ASXL1: variants seen among roughly 807,000 people sequenced by gnomAD.
ASXL1 encodes the protein ASXL transcriptional regulator 1, also known as polycomb group protein ASXL1.
A neutral mutation model predicts 89.1 loss-of-function variants in ASXL1; 65 were observed. The ratio of observed to expected loss-of-function variants is 0.73; its 90% CI spans 0.60 to 0.90. The LOEUF (loss-of-function observed/expected upper bound fraction) is 0.90. Among genes scored for constraint, ASXL1 ranks in the 40% least tolerant of loss-of-function variants. The probability of loss-of-function intolerance (pLI) is 0.00; values close to 1 mark genes in which losing one functional copy is unlikely to be tolerated. For missense variants in ASXL1, 1,786 were observed against 1,942.9 expected, an observed-to-expected ratio of 0.92 and a Z score of 1.52; for synonymous variants, 739 against 746.9, an observed-to-expected ratio of 0.99 and a Z score of 0.17.
chr20:32,411,904 C>T (rs888779374), intron 4 of ASXL1, among the ~76,000 whole-genome samples: 2 of 152,102 alleles, frequency 1.3e-5, no homozygotes, highest in Non-Finnish European at 2.9e-5. Flanking sequence ...TACAAATTGT[C>T]GCTGATTTGG....
At chr20:32,419,943 A>G (rs902543724) in intron 4 of ASXL1, among the ~76,000 whole-genome samples, 5 of 152,056 alleles carry the variant, frequency 3.3e-5, no homozygotes, top group African/African-American at 1.2e-4. Flanking sequence ...GCCTCCCGAA[A>G]TGCTGGCATT....
chr20:32,379,463 C>G (rs543505028), intron 4 of ASXL1, among the ~76,000 whole-genome samples: 1 of 151,646 alleles, frequency 6.6e-6, no homozygotes, highest in Non-Finnish European at 1.5e-5. Flanking sequence ...CTGCCTTGGC[C>G]TCCCAAAGTG....
intron 4 of ASXL1, among the ~76,000 whole-genome samples, chr20:32,383,578 G>A (rs2048526625): frequency 6.6e-6 from 1 of 152,132 alleles, no homozygotes; most frequent in South Asian, 2.1e-4. Flanking sequence ...CAAGTGCTGG[G>A]ATTACAGGCG....
chr20:32,376,027 C>T (rs1052258196), intron 4 of ASXL1, among the ~76,000 whole-genome samples: 2 of 151,900 alleles, frequency 1.3e-5, no homozygotes, highest in African/African-American at 4.8e-5. Context: ...TAGAAATCTT[C>T]GTTATTTCCG....
chr20:32,376,175 C>T (rs2048374535), intron 4 of ASXL1, among the ~76,000 whole-genome samples: 1 of 152,060 alleles, frequency 6.6e-6, no homozygotes, highest in Non-Finnish European at 1.5e-5. Context: ...CGACCAAGGG[C>T]TAGTTTGGTG....
intron 4 of ASXL1, among the ~76,000 whole-genome samples, chr20:32,425,995 A>G (rs2011270810): frequency 6.6e-6 from 1 of 152,204 alleles, no homozygotes; most frequent in Admixed American, 6.5e-5. Context: ...GCAAGCCACC[A>G]TGCCCGGCCT....
chr20:32,434,477 C>T lies in ASXL1; in HGVS notation c.1765C>T (p.Pro589Ser), dbSNP rs2145356492. 1 of 1,614,114 alleles carries T rather than the reference C, an allele frequency of 6.2e-7. No homozygotes were observed. The highest frequency in any genetic ancestry group is 1.1e-5 in the South Asian group (1 of 91,076). The change falls in exon 13 of 13, where the codon CCC (proline) becomes TCC (serine). Residue 589 changes from proline to serine, a missense_variant. By Grantham distance (74) the Pro-to-Ser change is moderately conservative. Transcript: ENST00000375687. ...ACCACCCTGGGTGGTTAAAGGTCAGCCCACTTACCAGATATGCCCCCGGAT... is the reference window on the plus strand; with the variant it reads ...ACCACCCTGGGTGGTTAAAGGTCAGTCCACTTACCAGATATGCCCCCGGAT... Reference protein sequence around the residue: ...IKPPWVVKGQPTYQICPRIIP... With the variant: ...IKPPWVVKGQSTYQICPRIIP...
chr20:32,436,777 C>A lies in ASXL1; in HGVS notation c.4065C>A (p.Asp1355Glu). The A allele has an allele frequency of 1.2e-6, 2 of 1,614,214 alleles. No homozygotes were observed. Among genetic ancestry groups the A allele is most frequent in the Non-Finnish European group, 1.7e-6 (2 of 1,180,040 alleles). The change falls in exon 13 of 13, where the codon GAC becomes GAA. Residue 1355 changes from aspartate (D) to glutamate (E), a missense_variant. Around this residue, in one of 3 missense-constraint regions of ASXL1, gnomAD observed 1,418 missense variants for 1,427.8 expected, o/e 0.99. Coordinates refer to ENST00000375687, the MANE Select transcript of ASXL1 (RefSeq NM_015338.6). ...MSGGVQTPRE[D>E]WAPKPHAFVG... ...GTGGGGTACAGACTCCAAGGGAAGACTGGGCTCCAAAGCCACATGCCTTTG... is the reference window on the plus strand; with the variant it reads ...GTGGGGTACAGACTCCAAGGGAAGAATGGGCTCCAAAGCCACATGCCTTTG...
intron 4 of ASXL1, among the ~76,000 whole-genome samples, chr20:32,421,611 C>A (rs1380159538): frequency 6.6e-6 from 1 of 152,020 alleles, no homozygotes; most frequent in African/African-American, 2.4e-5. Context: ...GGAAATAACC[C>A]AAATGTCCAT....
rs772526658 is a variant in ASXL1 at position 32,434,959 on chromosome 20, C to T, written c.2247C>T (p.Leu749=). 3.6e-5 allele frequency: 58 copies of T among 1,614,048 alleles called. No individual in the cohort carries two copies. The highest frequency in any genetic ancestry group is 4.5e-5 in the Non-Finnish European group (53 of 1,180,034). ...ATGGGCTAGGAGATGCCTCCCAACTCCCCGTTGCTCCCACTGGGGACCAGC... is the reference window on the plus strand; with the variant it reads ...ATGGGCTAGGAGATGCCTCCCAACTTCCCGTTGCTCCCACTGGGGACCAGC... ...LTDGLGDASQ[L]PVAPTGDQPC... The change falls in exon 13 of 13, where the codon CTC becomes CTT. Residue 749 remains leucine (L), a synonymous_variant. Transcript: ENST00000375687.
At chr20:32,381,427 C>G (rs1404929248) in intron 4 of ASXL1, among the ~76,000 whole-genome samples, 1 of 151,944 alleles carries the variant, frequency 6.6e-6, no homozygotes, top group African/African-American at 2.4e-5. Context: ...GTGTCAAACT[C>G]CTGGGCTCAA....
Position 32,358,374 on chromosome 20 carries a change from G to A in ASXL1, c.-402G>A, listed in dbSNP as rs2048046763. 1 of 233,778 alleles carries A rather than the reference G, an allele frequency of 4.3e-6. No homozygotes were observed. Among genetic ancestry groups the A allele is most frequent in the Non-Finnish European group, 8.4e-6 (1 of 119,244 alleles). The allele number at this position is 233,778 out of a possible 1,614,324, so 14.5% of individuals were successfully genotyped here. The stretch of plus-strand genomic sequence containing the variant: ...CCACGGCAGACACGCACGCACCCGG[G>A]CGCCGAAGGGAAAGCCGCGTCTCGC... On this transcript the variant is annotated 5_prime_UTR_variant, in exon 1 of 13. Coordinates refer to ENST00000375687, the MANE Select transcript of ASXL1 (RefSeq NM_015338.6).
At chr20:32,424,546 CAA>C (rs1172740447) in intron 4 of ASXL1, among the ~76,000 whole-genome samples, 1 of 151,966 alleles carries the variant, frequency 6.6e-6, no homozygotes, top group Non-Finnish European at 1.5e-5. Flanking sequence ...AAAAAACAAA[CAA>C]AAAAACTGCC....
intron 2 of ASXL1, 130 bp downstream of exon 2, chr20:32,366,596 T>C (rs1337049673): frequency 1.2e-5 from 18 of 1,547,966 alleles, no homozygotes; most frequent in Non-Finnish European, 1.5e-5. Flanking sequence ...GATGGAACTA[T>C]CCATTTCCCA....
chr20:32,368,015 A>G (rs1220015516), intron 3 of ASXL1, among the ~76,000 whole-genome samples: 1 of 152,240 alleles, frequency 6.6e-6, no homozygotes, highest in Non-Finnish European at 1.5e-5. Flanking sequence ...AGTGTGTTCC[A>G]AGGCAAAATA....
At chr20:32,430,319 A>G (rs755765408) in intron 8 of ASXL1, 164 of 445,462 alleles carry the variant, frequency 3.7e-4, no homozygotes, top group Admixed American at 5.6e-4. Context: ...CTTGTACTGC[A>G]TAGTAAGTGT....
intron 4 of ASXL1, among the ~76,000 whole-genome samples, chr20:32,375,029 T>C (rs935575179): frequency 2.6e-5 from 4 of 152,062 alleles, no homozygotes; most frequent in Non-Finnish European, 5.9e-5. Context: ...AGGGGACATA[T>C]CTGGTCAGCG....
intron 4 of ASXL1, chr20:32,371,712 AGTCCCACCTC>A: frequency 2.4e-6 from 1 of 420,006 alleles, no homozygotes; most frequent in South Asian, 1.7e-5. Context: ...CTCAAGCAGT[AGTCCCACCTC>A]AGCCTCCCGA....
intron 1 of ASXL1, 96 bp downstream of exon 1, chr20:32,358,928 CA>C: frequency 7.9e-7 from 1 of 1,273,276 alleles, no homozygotes; most frequent in African/African-American, 1.6e-5. Context: ...AGGCCCTGCC[CA>C]CCGCGGGAGG....
Sources: gnomAD v4.1 joint callset for allele counts (sites outside exome capture counted in the v4.1 genomes callset) on GRCh38, gnomAD v4.1.1 for gene constraint, gnomAD v4.1.1 regional missense constraint, MANE v1.5 for transcripts, NCBI Gene and HGNC (gene_info 2026-07-23, HGNC 2026-07-21) for gene names.